LAMA2: variants seen among roughly 807,000 people sequenced by gnomAD.
The protein encoded by LAMA2 is laminin subunit alpha-2.
A neutral mutation model predicts 364.8 loss-of-function variants in LAMA2; 269 were observed. That is an observed-to-expected ratio of 0.74 (90% CI 0.67 to 0.82). The LOEUF (loss-of-function observed/expected upper bound fraction) is 0.82, where lower values mean the gene tolerates loss of function less well. Among genes scored for constraint, LAMA2 ranks in the 40% least tolerant of loss-of-function variants. The pLI is 0.00. For synonymous variants in LAMA2, 1,379 were observed against 1,370.6 expected, an observed-to-expected ratio of 1.01 and a Z score of -0.14; for missense variants, 3,807 against 3,873.2, an observed-to-expected ratio of 0.98 and a Z score of 0.45.
intron 12 of LAMA2, among the ~76,000 whole-genome samples, chr6:129,228,849 A>G (rs976663609): frequency 2.0e-5 from 3 of 152,202 alleles, no homozygotes; most frequent in African/African-American, 7.2e-5. Context: ...CAGCTAATCC[A>G]TTATATGGTT....
intron 32 of LAMA2, among the ~76,000 whole-genome samples, chr6:129,362,271 T>A (rs970843605): frequency 6.6e-6 from 1 of 152,218 alleles, no homozygotes; most frequent in Admixed American, 6.5e-5. Context: ...AGTCTCTGCC[T>A]CTGCAATCAC....
chr6:129,081,081 A>G (rs554765482), intron 3 of LAMA2, among the ~76,000 whole-genome samples: 1 of 152,350 alleles, frequency 6.6e-6, no homozygotes, highest in Non-Finnish European at 1.5e-5. Context: ...TGAAGAGTTC[A>G]TGTCCTTTGT....
At chr6:129,312,824 G>A (rs749396460) in intron 22 of LAMA2, 37 bp from the exon 23 acceptor site, 3 of 1,342,114 alleles carry the variant, frequency 2.2e-6, no homozygotes, top group Non-Finnish European at 3.2e-6. Flanking sequence ...TTCCCATAAA[G>A]TTGTGTTAAT....
chr6:129,205,470 T>A (rs535966888), intron 12 of LAMA2, among the ~76,000 whole-genome samples: 1 of 127,192 alleles, frequency 7.9e-6, no homozygotes, highest in African/African-American at 3.8e-5. Context: ...TGGGAATTTA[T>A]TCTGTAAGTA....
rs549361182 is a variant in LAMA2 at position 129,482,865 on chromosome 6, C to A, written c.7749+1426C>A. 2.0e-5 allele frequency among the ~76,000 whole-genome samples: 3 copies of A among 151,962 alleles called. No homozygotes were observed. In the East Asian group the frequency reaches 5.8e-4, roughly 29 times the overall value. ...CACAAGGTCAGGATTTCGAGACCAG[C>A]CTGGCCAACATAGTGAAATCCTGTC... On this transcript the variant is annotated intron_variant, in intron 55 of 64. Coordinates refer to ENST00000421865, the MANE Select transcript of LAMA2 (RefSeq NM_000426.4).
intron 1 of LAMA2, among the ~76,000 whole-genome samples, chr6:128,922,246 T>A (rs1479853459): frequency 1.3e-5 from 2 of 151,066 alleles, no homozygotes; most frequent in African/African-American, 4.9e-5. Flanking sequence ...CTGGGTCAAA[T>A]GGTATTTCTA....
intron 1 of LAMA2, among the ~76,000 whole-genome samples, chr6:128,984,108 G>T (rs556789912): frequency 1.3e-5 from 2 of 152,008 alleles, no homozygotes; most frequent in Admixed American, 6.6e-5. Flanking sequence ...CCTACCTTTC[G>T]CAGTGTGGCT....
intron 29 of LAMA2, among the ~76,000 whole-genome samples, chr6:129,341,427 A>G (rs1776262168): frequency 6.6e-6 from 1 of 152,246 alleles, no homozygotes; most frequent in Admixed American, 6.5e-5. Context: ...TCCAGCTAAA[A>G]TTCAATTCCA....
intron 1 of LAMA2, among the ~76,000 whole-genome samples, chr6:128,922,939 T>C (rs1309290691): frequency 1.3e-5 from 2 of 152,014 alleles, no homozygotes; most frequent in African/African-American, 4.8e-5. Flanking sequence ...CTAGCCAGTT[T>C]TCCCAGCACC....
intron 12 of LAMA2, among the ~76,000 whole-genome samples, chr6:129,226,020 G>A (rs1401432763): frequency 2.0e-5 from 3 of 152,144 alleles, no homozygotes; most frequent in Non-Finnish European, 4.4e-5. Context: ...GAGTGCTCCT[G>A]TATTGGGTGC....
chr6:128,916,505 A>G (rs572386490), intron 1 of LAMA2, among the ~76,000 whole-genome samples: 1 of 152,360 alleles, frequency 6.6e-6, no homozygotes, highest in African/African-American at 2.4e-5. Flanking sequence ...CAGTGCTCTT[A>G]TAATTGGGCA....
At chr6:129,438,587 A>T in intron 41 of LAMA2, 59 bp from the exon 42 acceptor site, 1 of 834,836 alleles carries the variant, frequency 1.2e-6, no homozygotes, top group East Asian at 2.4e-5. Context: ...TGCACATCCA[A>T]GTATAAGCTC....
At chr6:129,346,566 T>A in intron 30 of LAMA2, among the ~76,000 whole-genome samples, 1 of 150,980 alleles carries the variant, frequency 6.6e-6, no homozygotes, top group South Asian at 2.1e-4. Flanking sequence ...TGTGTACATA[T>A]CTGTGTCTCA....
At chr6:128,895,350 T>C (rs1776701979) in intron 1 of LAMA2, among the ~76,000 whole-genome samples, 1 of 150,742 alleles carries the variant, frequency 6.6e-6, no homozygotes, top group Non-Finnish European at 1.5e-5. Flanking sequence ...AGTGAACTCA[T>C]GGCGGGGCGC....
intron 4 of LAMA2, among the ~76,000 whole-genome samples, chr6:129,129,658 C>T (rs1008693077): frequency 2.0e-5 from 3 of 152,126 alleles, no homozygotes; most frequent in Admixed American, 2.0e-4. Context: ...GGCGCGGTGG[C>T]TCACGCCTGT....
intron 20 of LAMA2, 82 bp downstream of exon 20, chr6:129,291,802 C>G (rs934151011): frequency 1.1e-6 from 1 of 887,818 alleles, no homozygotes. Context: ...TGTATACCTT[C>G]GTATATTAAA....
intron 8 of LAMA2, among the ~76,000 whole-genome samples, chr6:129,155,479 G>T (rs1293573586): frequency 2.0e-5 from 3 of 151,900 alleles, no homozygotes; most frequent in Admixed American, 6.6e-5. Flanking sequence ...AATCGTAAGG[G>T]CTTATTGACC....
intron 53 of LAMA2, among the ~76,000 whole-genome samples, chr6:129,476,010 G>A (rs1002209174): frequency 3.9e-5 from 6 of 152,182 alleles, no homozygotes; most frequent in South Asian, 2.1e-4. Context: ...AAGTATTTGC[G>A]TTAATAGTAA....
At chr6:129,269,287 G>A (rs756187561) in intron 16 of LAMA2, among the ~76,000 whole-genome samples, 18 of 151,746 alleles carry the variant, frequency 1.2e-4, no homozygotes, top group Non-Finnish European at 2.2e-4. Context: ...GGTATGTAAT[G>A]TGAGCAAAAT....
Sources: gnomAD v4.1 joint callset for allele counts (sites outside exome capture counted in the v4.1 genomes callset) on GRCh38, gnomAD v4.1.1 for gene constraint, MANE v1.5 for transcripts, NCBI Gene and HGNC (gene_info 2026-07-23, HGNC 2026-07-21) for gene names.